The following SPDL1 variants were observed in gnomAD, a reference collection of about 807,000 sequenced individuals.
The protein encoded by SPDL1 is spindle apparatus coiled-coil protein 1, also known as protein Spindly.
Under a neutral mutation model 79.5 loss-of-function variants are expected in SPDL1, and 85 were observed. That is an observed-to-expected ratio of 1.07 (90% confidence interval 0.90 to 1.28). The LOEUF (loss-of-function observed/expected upper bound fraction) is 1.28, where lower values mean the gene tolerates loss of function less well. Ranked by LOEUF, SPDL1 falls within the 50% of genes most tolerant of loss-of-function variation. SPDL1 has a pLI of 0.00. For synonymous variants in SPDL1, 269 were observed against 240.3 expected, an observed-to-expected ratio of 1.12 and a Z score of -1.10; for missense variants, 703 against 697.8, an observed-to-expected ratio of 1.01 and a Z score of -0.08.
At chr5:169,600,541 T>G (rs1755825599) in intron 10 of SPDL1, among the ~76,000 whole-genome samples, 1 of 152,156 alleles carries the variant, frequency 6.6e-6, no homozygotes. Flanking sequence ...TCCACTAACA[T>G]TTTGATTTTG....
chr5:169,598,384 A>T, intron 8 of SPDL1, 92 bp from the exon 9 acceptor site: 1 of 799,376 alleles, frequency 1.3e-6, no homozygotes, highest in South Asian at 1.5e-5. Context: ...CAAGGGATAT[A>T]AATTCAGGAA....
intron 1 of SPDL1, among the ~76,000 whole-genome samples, 179 bp from the exon 2 acceptor site, chr5:169,588,215 G>A (rs768509109): frequency 1.3e-5 from 2 of 152,150 alleles, no homozygotes; most frequent in African/African-American, 2.4e-5. Context: ...TAACAGAATT[G>A]TCAGAACAGT....
chr5:169,599,655 G>A (rs924014533), intron 10 of SPDL1, among the ~76,000 whole-genome samples: 1 of 152,150 alleles, frequency 6.6e-6, no homozygotes, highest in Non-Finnish European at 1.5e-5. Flanking sequence ...GTGTTTGTTG[G>A]TCTGCTGCCA....
chr5:169,601,405 A>G lies in SPDL1; in HGVS notation c.1450A>G (p.Lys484Glu). ...GGEVYRLPPQ[K>E]EETQSCPNSL... ...AGAAGTTTATCGATTACCGCCTCAGAAAGAGGAGACACAGTCCTGCCCTAA... is the reference window on the plus strand; with the variant it reads ...AGAAGTTTATCGATTACCGCCTCAGGAAGAGGAGACACAGTCCTGCCCTAA... The change falls in exon 11 of 12, where the codon AAA becomes GAA. Residue 484 changes from lysine (K) to glutamate (E), a missense_variant. Coordinates refer to ENST00000265295, the MANE Select transcript of SPDL1 (RefSeq NM_017785.5). 6.2e-7 allele frequency: 1 copy of G among 1,614,204 alleles called. No homozygotes were observed. The highest frequency in any genetic ancestry group is 8.5e-7 in the Non-Finnish European group (1 of 1,180,034).
intron 3 of SPDL1, among the ~76,000 whole-genome samples, chr5:169,591,918 C>T (rs748436375): frequency 1.3e-5 from 2 of 152,156 alleles, no homozygotes; most frequent in Admixed American, 6.5e-5. Context: ...AGTGGTTTTC[C>T]CTTTTCCCAG....
intron 3 of SPDL1, among the ~76,000 whole-genome samples, chr5:169,593,083 A>G (rs763181717): frequency 6.6e-6 from 1 of 152,028 alleles, no homozygotes; most frequent in Admixed American, 6.6e-5. Flanking sequence ...TCTTCATGCC[A>G]GTCATTCTTC....
chr5:169,594,140 A>T lies in SPDL1; in HGVS notation c.532-5A>T. ...ATTTCCTCCTTTTCAATTCCTGTTAAATAGACCACCCTCAAAGAAGAAGTG... is the reference window on the plus strand; with the variant it reads ...ATTTCCTCCTTTTCAATTCCTGTTATATAGACCACCCTCAAAGAAGAAGTG... On this transcript the variant is annotated splice_region_variant and splice_polypyrimidine_tract_variant and intron_variant, in intron 4 of 11. Transcript: ENST00000265295. The T allele has an allele frequency of 6.3e-7, 1 of 1,597,454 alleles. No individual in the cohort carries two copies. The highest frequency in any genetic ancestry group is 8.5e-7 in the Non-Finnish European group (1 of 1,175,338).
At chr5:169,592,913 CCTTTT>C (rs1463992284) in intron 3 of SPDL1, among the ~76,000 whole-genome samples, 1 of 145,838 alleles carries the variant, frequency 6.9e-6, no homozygotes, top group Non-Finnish European at 1.5e-5. Flanking sequence ...TTTTTTAATA[CCTTTT>C]CTTCTCTTAT....
At chr5:169,596,437 C>A in intron 7 of SPDL1, 124 bp from the exon 8 acceptor site, 1 of 745,556 alleles carries the variant, frequency 1.3e-6, no homozygotes, top group East Asian at 3.0e-5. Flanking sequence ...TTAGAAATAG[C>A]TAATTTAGTT....
In SPDL1 at chr5:169,601,498, TCTC is replaced by T; in HGVS notation, c.1547_1549del (p.Pro516del). ...TATATACACACCAGTAGTCAGTCTC[TCTC>T]CTCACAAAAATCTGCCCGTGGATAT... On this transcript the variant is annotated inframe_deletion, in exon 11 of 12. Transcript: ENST00000265295. 1 of 1,614,016 alleles carries T rather than the reference TCTC, an allele frequency of 6.2e-7. No homozygotes were observed. Among genetic ancestry groups the T allele is most frequent in the South Asian group, 1.1e-5 (1 of 91,074 alleles).
At chr5:169,588,720 A>G in intron 2 of SPDL1, 145 bp downstream of exon 2, 1 of 577,966 alleles carries the variant, frequency 1.7e-6, no homozygotes. Context: ...GTTAAAAAAG[A>G]ATGAACTAAA....
At chr5:169,584,586 C>A (rs1754881324) in intron 1 of SPDL1, among the ~76,000 whole-genome samples, 1 of 152,104 alleles carries the variant, frequency 6.6e-6, no homozygotes, top group African/African-American at 2.4e-5. Context: ...GTAGTGGAGG[C>A]GGGGTAAGAA....
chr5:169,598,879 C>T, intron 9 of SPDL1, 93 bp from the exon 10 acceptor site: 4 of 1,429,014 alleles, frequency 2.8e-6, no homozygotes, highest in Non-Finnish European at 3.7e-6. Context: ...GTATTTTTAA[C>T]TAAGAATTCA....
In SPDL1 at chr5:169,604,264, TA is replaced by T; in HGVS notation, c.*59del. 3 of 1,438,112 alleles carry T rather than the reference TA, an allele frequency of 2.1e-6. No individual in the cohort carries two copies. The highest frequency in any genetic ancestry group is 2.8e-6 in the Non-Finnish European group (3 of 1,079,524). The allele number at this position is 1,438,112 out of a possible 1,614,324, so 89.1% of individuals were successfully genotyped here. On this transcript the variant is annotated 3_prime_UTR_variant, in exon 12 of 12. Coordinates refer to ENST00000265295, the MANE Select transcript of SPDL1 (RefSeq NM_017785.5). Reference sequence around the variant, plus strand: ...TTGCCTCAAAAGTTACTATGGTGCTTAAGATTGTCTTGATCTGACATATATC... The same window carrying T: ...TTGCCTCAAAAGTTACTATGGTGCTTAGATTGTCTTGATCTGACATATATC...
Position 169,604,117 on chromosome 5 carries a change from C to G in SPDL1, c.1728C>G (p.Ser576Arg). ...TEVKEGKETS[S>R]KLEKETCKKL... ...TTAAAGAAGGAAAAGAAACTTCAAG[C>G]AAATTGGAAAAAGAAACTTGTAAGA... Residue 576 changes from serine (S) to arginine (R), a missense_variant, in exon 12 of 12, where the codon AGC (serine) becomes AGG (arginine). By Grantham distance (110) the Ser-to-Arg change is moderately radical. Coordinates refer to ENST00000265295, the MANE Select transcript of SPDL1 (RefSeq NM_017785.5). The G allele has an allele frequency of 6.2e-7, 1 of 1,613,048 alleles. No individual in the cohort carries two copies. The highest frequency in any genetic ancestry group is 1.1e-5 in the South Asian group (1 of 90,902).
chr5:169,588,332 T>C (rs1050870409), intron 1 of SPDL1, 62 bp from the exon 2 acceptor site: 17 of 1,137,764 alleles, frequency 1.5e-5, no homozygotes, highest in Non-Finnish European at 2.1e-5. Flanking sequence ...TCTTCTGTTA[T>C]TGATATTATT....
intron 2 of SPDL1, among the ~76,000 whole-genome samples, chr5:169,589,539 G>T (rs1755160632): frequency 6.7e-6 from 1 of 150,220 alleles, no homozygotes; most frequent in Non-Finnish European, 1.5e-5. Context: ...CTCCCTTATG[G>T]GCTTTACACC....
intron 11 of SPDL1, chr5:169,601,853 G>A (rs1755949945): frequency 1.7e-6 from 1 of 603,778 alleles, no homozygotes; most frequent in Non-Finnish European, 3.0e-6. Context: ...AAAGTTACAC[G>A]TTTCTGTTTC....
chr5:169,595,505 C>G (rs1755542156), intron 7 of SPDL1: 1 of 152,146 alleles, frequency 6.6e-6, no homozygotes, highest in Admixed American at 6.5e-5. Flanking sequence ...ATAGAACCCC[C>G]TCTTAGAATT....
Sources: allele counts gnomAD v4.1 joint callset (sites outside exome capture counted in the v4.1 genomes callset), GRCh38; gene constraint gnomAD v4.1.1; transcripts MANE v1.5; gene names NCBI Gene and HGNC (gene_info 2026-07-23, HGNC 2026-07-21).